The following ASH1L variants were observed in gnomAD, a reference collection of about 807,000 sequenced individuals.
The protein encoded by ASH1L is histone-lysine N-methyltransferase ASH1L.
In ASH1L, 23 loss-of-function variants were observed where a neutral mutation model predicts 269.0. The ratio of observed to expected loss-of-function variants is 0.09; its 90% CI spans 0.06 to 0.12. The LOEUF (loss-of-function observed/expected upper bound fraction) is 0.12, where lower values mean the gene tolerates loss of function less well. Ranked by LOEUF, ASH1L falls within the 10% of genes least tolerant of loss-of-function variation. The probability of loss-of-function intolerance (pLI) is 1.00; values close to 1 mark genes in which losing one functional copy is unlikely to be tolerated. For missense variants in ASH1L, 2,912 were observed against 3,567.8 expected, an observed-to-expected ratio of 0.82 and a Z score of 4.68; for synonymous variants, 1,187 against 1,253.5, an observed-to-expected ratio of 0.95 and a Z score of 1.12.
Position 155,479,502 on chromosome 1 carries a change from C to T in ASH1L, c.3368G>A (p.Ser1123Asn), listed in dbSNP as rs1665804770. 1 of 1,614,168 alleles carries T rather than the reference C, an allele frequency of 6.2e-7. No homozygotes were observed. The highest frequency in any genetic ancestry group is 8.5e-7 in the Non-Finnish European group (1 of 1,180,018). ...GTSGGQSPVSSDAGFVEPSSV... is the reference protein window; with the variant it reads ...GTSGGQSPVSNDAGFVEPSSV... ...ACTGGGTTCAACAAAACCTGCATCACTACTTACAGGGCTCTGACCTCCACT... is the reference window on the plus strand; with the variant it reads ...ACTGGGTTCAACAAAACCTGCATCATTACTTACAGGGCTCTGACCTCCACT... The change falls in exon 3 of 28, where the codon AGT (serine) becomes AAT (asparagine). Residue 1123 changes from serine to asparagine, a missense_variant. By Grantham distance (46) the Ser-to-Asn change is conservative. Around this residue, in one of 13 missense-constraint regions of ASH1L, gnomAD observed 157 missense variants for 154.6 expected, o/e 1.02. Transcript: ENST00000392403.
chr1:155,472,921 G>GT (rs1273058038), intron 3 of ASH1L, among the ~76,000 whole-genome samples: 2 of 152,108 alleles, frequency 1.3e-5, no homozygotes, highest in African/African-American at 4.8e-5. Flanking sequence ...ACCCAAGGCT[G>GT]TTTGTTTTTC....
At chr1:155,530,030 C>G (rs1386773690) in intron 1 of ASH1L, among the ~76,000 whole-genome samples, 1 of 151,762 alleles carries the variant, frequency 6.6e-6, no homozygotes, top group Non-Finnish European at 1.5e-5. Context: ...AACAAAAATA[C>G]TCTTTACCTT....
intron 3 of ASH1L, among the ~76,000 whole-genome samples, chr1:155,474,040 G>A (rs1665338183): frequency 6.6e-6 from 1 of 151,980 alleles, no homozygotes; most frequent in African/African-American, 2.4e-5. Flanking sequence ...CGCCATGTTG[G>A]CCAGGCTGGT....
chr1:155,382,083 T>TGTAGTCCCAGCTACTCAGGA, intron 7 of ASH1L, among the ~76,000 whole-genome samples: 1 of 151,894 alleles, frequency 6.6e-6, no homozygotes, highest in South Asian at 2.1e-4. Context: ...GGCGCACACC[T>TGTAGTCCCAGCTACTCAGGA]GTAGTCCCAG....
intron 5 of ASH1L, among the ~76,000 whole-genome samples, chr1:155,416,732 A>T (rs914367035): frequency 2.0e-5 from 3 of 150,238 alleles, no homozygotes; most frequent in Non-Finnish European, 3.0e-5. Flanking sequence ...GACGGTTTTT[A>T]GTTTCACCAT....
At chr1:155,348,357 T>A (rs1013766968) in intron 19 of ASH1L, among the ~76,000 whole-genome samples, 2 of 152,086 alleles carry the variant, frequency 1.3e-5, no homozygotes, top group African/African-American at 4.8e-5. Flanking sequence ...CGCTTGTCTA[T>A]TTTTCTTTCT....
intron 5 of ASH1L, among the ~76,000 whole-genome samples, chr1:155,428,452 A>AAT (rs1553255735): frequency 1.6e-3 from 246 of 150,798 alleles, no homozygotes; most frequent in Admixed American, 2.3e-3. Flanking sequence ...CAAAAAAAAA[A>AAT]ATATATATAT....
At chr1:155,500,192 T>C (rs1205614203) in intron 2 of ASH1L, among the ~76,000 whole-genome samples, 1 of 152,212 alleles carries the variant, frequency 6.6e-6, no homozygotes, top group African/African-American at 2.4e-5. Flanking sequence ...GACATCCTGT[T>C]TTATCTCCAA....
chr1:155,496,286 A>T (rs1227401973), intron 2 of ASH1L, among the ~76,000 whole-genome samples: 3 of 152,256 alleles, frequency 2.0e-5, no homozygotes, highest in Non-Finnish European at 4.4e-5. Flanking sequence ...ATTAGGTGAC[A>T]GGAATTTTTC....
chr1:155,396,182 C>G (rs1212938953), intron 6 of ASH1L: 1 of 149,576 alleles, frequency 6.7e-6, no homozygotes, highest in Non-Finnish European at 1.5e-5. Flanking sequence ...AATGCGATCT[C>G]AAGAGATTTC....
intron 2 of ASH1L, among the ~76,000 whole-genome samples, chr1:155,502,778 CTTT>C (rs931367219): frequency 6.6e-6 from 1 of 152,032 alleles, no homozygotes; most frequent in African/African-American, 2.4e-5. Flanking sequence ...CACAGTGAAA[CTTT>C]TTTATCCTTT....
At chr1:155,360,536 C>T (rs1371185164) in intron 12 of ASH1L, 127 bp from the exon 13 acceptor site, 9 of 571,878 alleles carry the variant, frequency 1.6e-5, no homozygotes, top group South Asian at 4.0e-5. Flanking sequence ...CTCCGCTTCC[C>T]GGATTCAAGC....
chr1:155,348,893 A>T (rs984578330), intron 19 of ASH1L, among the ~76,000 whole-genome samples: 78 of 45,120 alleles, frequency 1.7e-3, no homozygotes, highest in African/African-American at 3.8e-3. Context: ...TTAAAAAAAA[A>T]AAAAAAATAT....
rs140153432 is a variant in ASH1L, at chr1:155,461,279, T to C, written c.4985-1381A>G. ...GACCATGAGCCTTGTTTCAATTAAG[T>C]AGTATCTTAAATCACATTGCTGTAA... On this transcript the variant is annotated intron_variant, in intron 3 of 27. Coordinates refer to ENST00000392403, the MANE Select transcript of ASH1L (RefSeq NM_018489.3). Among the ~76,000 whole-genome samples the C allele has an allele frequency of 2.6e-5, 4 of 152,360 alleles. No individual in the cohort carries two copies. In the East Asian group the frequency reaches 7.7e-4, roughly 29 times the overall value.
intron 16 of ASH1L, 88 bp downstream of exon 16, chr1:155,354,385 G>A: frequency 8.2e-7 from 1 of 1,226,528 alleles, no homozygotes; most frequent in African/African-American, 1.5e-5. Context: ...AGAGGTTGCA[G>A]TGAGCCTAGA....
intron 17 of ASH1L, 110 bp from the exon 18 acceptor site, chr1:155,349,706 AGTCTT>A: frequency 1.4e-6 from 1 of 708,576 alleles, no homozygotes; most frequent in Non-Finnish European, 2.2e-6. Context: ...GAAAAATCCA[AGTCTT>A]TTTTTTTTTT....
At chr1:155,466,292 T>C (rs1664694441) in intron 3 of ASH1L, among the ~76,000 whole-genome samples, 1 of 152,058 alleles carries the variant, frequency 6.6e-6, no homozygotes, top group African/African-American at 2.4e-5. Flanking sequence ...AGGCAGAGCT[T>C]GCAGTAAGCC....
At chr1:155,526,928 G>T (rs956367093) in intron 1 of ASH1L, among the ~76,000 whole-genome samples, 1 of 152,146 alleles carries the variant, frequency 6.6e-6, no homozygotes, top group Non-Finnish European at 1.5e-5. Context: ...CCTCTTAGCC[G>T]AGCAAGATGG....
chr1:155,487,270 G>A (rs1259206978), intron 2 of ASH1L, among the ~76,000 whole-genome samples: 1 of 151,510 alleles, frequency 6.6e-6, no homozygotes, highest in African/African-American at 2.4e-5. Context: ...ACCACAAAGA[G>A]GAAAAATTTA....
Sources: gnomAD v4.1 joint callset for allele counts (sites outside exome capture counted in the v4.1 genomes callset) on GRCh38, gnomAD v4.1.1 for gene constraint, gnomAD v4.1.1 regional missense constraint, MANE v1.5 for transcripts, NCBI Gene and HGNC (gene_info 2026-07-23, HGNC 2026-07-21) for gene names.